The following C9orf152 variants were observed in gnomAD, a reference collection of about 807,000 sequenced individuals.
C9orf152 encodes the protein uncharacterized protein C9orf152.
C9orf152 carries 8 observed loss-of-function variants against 8.5 expected under a neutral mutation model. The ratio of observed to expected loss-of-function variants is 0.94; its 90% confidence interval spans 0.55 to 1.70. The LOEUF (loss-of-function observed/expected upper bound fraction) is 1.70, where lower values mean the gene tolerates loss of function less well. Among genes scored for constraint, C9orf152 ranks in the 40% most tolerant of loss-of-function variants. The pLI, the probability that C9orf152 is intolerant of heterozygous loss-of-function variation, is 0.00. For missense variants in C9orf152, 293 were observed against 286.2 expected, an observed-to-expected ratio of 1.02 and a Z score of -0.17; for synonymous variants, 109 against 113.0, an observed-to-expected ratio of 0.96 and a Z score of 0.22.
chr9:110,203,266 G>A (rs535979899), intron 1 of C9orf152, among the ~76,000 whole-genome samples: 21 of 152,040 alleles, frequency 1.4e-4, no homozygotes, highest in African/African-American at 3.1e-4. Context: ...CTTGTGATCC[G>A]CCCGCCTCGG....
chr9:110,201,411 C>A lies in C9orf152; in HGVS notation c.257G>T (p.Arg86Ile), dbSNP rs769826122. ...VNAVWINKER[R>I]SSLSLEEADS... The stretch of plus-strand genomic sequence containing the variant: ...TGCCTCTTCCAGGGACAGTGAGCTT[C>A]TTCTCTCCTTGTTAATCCAAACAGC... Residue 86 changes from arginine to isoleucine, a missense_variant, in exon 2 of 2, where the codon AGA (arginine) becomes ATA (isoleucine). Transcript: ENST00000400613. 2.6e-6 allele frequency: 4 copies of A among 1,558,676 alleles called. No homozygotes were observed. Among genetic ancestry groups the A allele is most frequent in the Non-Finnish European group, 3.5e-6 (4 of 1,158,056 alleles).
chr9:110,203,270 G>A (rs547792164), intron 1 of C9orf152, among the ~76,000 whole-genome samples: 16 of 152,014 alleles, frequency 1.1e-4, no homozygotes, highest in South Asian at 2.1e-4. Flanking sequence ...TGATCCGCCC[G>A]CCTCGGCCTC....
At chr9:110,202,565 C>T (rs1837235287) in intron 1 of C9orf152, among the ~76,000 whole-genome samples, 1 of 152,094 alleles carries the variant, frequency 6.6e-6, no homozygotes, top group Admixed American at 6.5e-5. Context: ...AAGAGGCAGA[C>T]CAATGTCTCT....
At chr9:110,203,293 G>T (rs894709190) in intron 1 of C9orf152, among the ~76,000 whole-genome samples, 1 of 152,112 alleles carries the variant, frequency 6.6e-6, no homozygotes, top group East Asian at 1.9e-4. Context: ...AAAGTGCTTG[G>T]ATTACAGGCG....
At chr9:110,202,582 T>C (rs956161227) in intron 1 of C9orf152, among the ~76,000 whole-genome samples, 3 of 152,190 alleles carry the variant, frequency 2.0e-5, no homozygotes, top group Non-Finnish European at 2.9e-5. Flanking sequence ...CTCTTTTCTT[T>C]CTTGGGGACT....
In C9orf152 at chr9:110,201,240, T is replaced by C; in HGVS notation, c.428A>G (p.Lys143Arg). The change falls in exon 2 of 2, where the codon AAG (lysine) becomes AGG (arginine). Residue 143 changes from lysine to arginine, a missense_variant. Physicochemically the swap from Lys to Arg is conservative, Grantham distance 26 (BLOSUM62 2). Coordinates refer to ENST00000400613, the MANE Select transcript of C9orf152 (RefSeq NM_001012993.3). ...GAGCCTTTGATCAGATCCCACAAGCTTGCCCCTATGATGTACTTGATGACT... is the reference window on the plus strand; with the variant it reads ...GAGCCTTTGATCAGATCCCACAAGCCTGCCCCTATGATGTACTTGATGACT... Reference protein sequence around the residue: ...DTSHQVHHRGKLVGSDQRLPP... With the variant: ...DTSHQVHHRGRLVGSDQRLPP... The C allele has an allele frequency of 6.2e-7, 1 of 1,614,108 alleles. No homozygotes were observed. Among genetic ancestry groups the C allele is most frequent in the Non-Finnish European group, 8.5e-7 (1 of 1,180,006 alleles).
chr9:110,200,968 C>A lies in C9orf152; in HGVS notation c.700G>T (p.Gly234Cys). 1 of 1,611,388 alleles carries A rather than the reference C, an allele frequency of 6.2e-7. No individual in the cohort carries two copies. The highest frequency in any genetic ancestry group is 8.5e-7 in the Non-Finnish European group (1 of 1,178,796). ...AAGCTTCACGCTGAGCCATATAAGC[C>A]CAGGTTCCGGGCAGCTTGGGAGATC... ...PRISQAARNL[G>C]LYGSA The change falls in exon 2 of 2, where the codon GGC (glycine) becomes TGC (cysteine). Residue 234 changes from glycine to cysteine, a missense_variant. Coordinates refer to ENST00000400613, the MANE Select transcript of C9orf152 (RefSeq NM_001012993.3).
chr9:110,204,221 G>A (rs1268924026), intron 1 of C9orf152, among the ~76,000 whole-genome samples: 2 of 152,162 alleles, frequency 1.3e-5, no homozygotes, highest in African/African-American at 4.8e-5. Context: ...ACCAATCACT[G>A]GGAGTAATTG....
rs775767635 is a variant in C9orf152, at chr9:110,201,142, C to T, written c.526G>A (p.Ala176Thr). The change falls in exon 2 of 2, where the codon GCC becomes ACC. Residue 176 changes from alanine to threonine, a missense_variant. Transcript: ENST00000400613. ...TTGCCCACCTGGCATGGAAGCTGGG[C>T]AGCCTCTGGGATTCCGGTTCCTTGC... is the stretch of plus-strand genomic sequence containing the variant. ...TQQGTGIPEAAQLPCQVGNTQ... is the reference protein window; with the variant it reads ...TQQGTGIPEATQLPCQVGNTQ... 6.2e-7 allele frequency: 1 copy of T among 1,614,108 alleles called. No individual in the cohort carries two copies.
In C9orf152 at chr9:110,207,489, G is replaced by A. The variant is rs759257413; in HGVS notation, c.91C>T (p.Pro31Ser). 6.2e-7 allele frequency: 1 copy of A among 1,613,412 alleles called. No homozygotes were observed. Among genetic ancestry groups the A allele is most frequent in the Non-Finnish European group, 8.5e-7 (1 of 1,179,710 alleles). ...LMAEGSRTQAPGKGPPLSIQF... is the reference protein window; with the variant it reads ...LMAEGSRTQASGKGPPLSIQF... The stretch of plus-strand genomic sequence containing the variant: ...ATGCTGAGTGGGGGCCCTTTCCCAG[G>A]GGCCTGAGTCCTGGAGCCCTCAGCC... Residue 31 changes from proline (P) to serine (S), a missense_variant, in exon 1 of 2, where the codon CCT becomes TCT. Physicochemically the swap from Pro to Ser is moderately conservative, Grantham distance 74. Transcript: ENST00000400613.
At chr9:110,206,975 C>A (rs1321509981) in intron 1 of C9orf152, among the ~76,000 whole-genome samples, 2 of 152,242 alleles carry the variant, frequency 1.3e-5, no homozygotes, top group Admixed American at 6.5e-5. Flanking sequence ...CCTAGGCGTC[C>A]TCTGGCCCAG....
rs1385948539 is a variant in C9orf152 at position 110,201,050 on chromosome 9, G to A, written c.618C>T (p.Asn206=). 6.2e-7 allele frequency: 1 copy of A among 1,614,222 alleles called. No individual in the cohort carries two copies. The highest frequency in any genetic ancestry group is 8.5e-7 in the Non-Finnish European group (1 of 1,180,042). Residue 206 remains asparagine, a synonymous_variant, in exon 2 of 2, where the codon AAC becomes AAT. Coordinates refer to ENST00000400613, the MANE Select transcript of C9orf152 (RefSeq NM_001012993.3). ...FSTQCPLSIK[N]PHRSGKPAYY... is the part of the protein sequence containing the mutation. ...AAGCTGGTTTGCCAGACCTGTGTGG[G>A]TTCTTTATGGAAAGAGGACATTGAG... is the stretch of plus-strand genomic sequence containing the variant.
At chr9:110,207,275 C>T in intron 1 of C9orf152, 112 bp downstream of exon 1, 10 of 1,260,188 alleles carry the variant, frequency 7.9e-6, no homozygotes, top group Non-Finnish European at 1.0e-5. Context: ...CTCCCCTGCT[C>T]TTCCCCACTG....
intron 1 of C9orf152, among the ~76,000 whole-genome samples, chr9:110,202,048 G>A (rs990533409): frequency 2.6e-5 from 4 of 151,788 alleles, no homozygotes; most frequent in Non-Finnish European, 4.4e-5. Context: ...CTTAACTTAC[G>A]GGGTTTTGTG....
chr9:110,204,057 A>T (rs779077165), intron 1 of C9orf152, among the ~76,000 whole-genome samples: 1 of 152,206 alleles, frequency 6.6e-6, no homozygotes, highest in Non-Finnish European at 1.5e-5. Context: ...TGGAGATCTT[A>T]AAAAGGGAGC....
intron 1 of C9orf152, among the ~76,000 whole-genome samples, chr9:110,205,003 A>G (rs1564358189): frequency 6.6e-6 from 1 of 152,054 alleles, no homozygotes; most frequent in African/African-American, 2.4e-5. Flanking sequence ...TGCTCTCTCC[A>G]TCTTCCCTGG....
chr9:110,200,843 A>G lies in C9orf152; in HGVS notation c.*105T>C, dbSNP rs1837207083. The G allele has an allele frequency of 2.7e-6, 3 of 1,104,004 alleles. No individual in the cohort carries two copies. In the Admixed American group the frequency reaches 6.9e-5, roughly 26 times the overall value. 68.4% of individuals were successfully genotyped at this position (1,104,004 alleles called of 1,614,324 possible). ...ACAATTCCTATAATTAGGTTAGTCC[A>G]GTTCTTGCTCATAGCTAGAGACCTC... is the stretch of plus-strand genomic sequence containing the variant. On this transcript the variant is annotated 3_prime_UTR_variant, in exon 2 of 2. Coordinates refer to ENST00000400613, the MANE Select transcript of C9orf152 (RefSeq NM_001012993.3).
At chr9:110,206,497 C>G (rs1321905374) in intron 1 of C9orf152, among the ~76,000 whole-genome samples, 1 of 152,244 alleles carries the variant, frequency 6.6e-6, no homozygotes, top group Admixed American at 6.5e-5. Context: ...TGCCAGTTCA[C>G]TCCTGCCAGG....
chr9:110,203,315 G>A (rs1325838804), intron 1 of C9orf152, among the ~76,000 whole-genome samples: 1 of 152,078 alleles, frequency 6.6e-6, no homozygotes, highest in Non-Finnish European at 1.5e-5. Context: ...GAGCCACCGC[G>A]GCCAGCCAAA....
Sources: allele counts gnomAD v4.1 joint callset (sites outside exome capture counted in the v4.1 genomes callset), GRCh38; gene constraint gnomAD v4.1.1; transcripts MANE v1.5; gene names NCBI Gene and HGNC (gene_info 2026-07-23, HGNC 2026-07-21).